Variants in GRIK2 observed in about 807,000 individuals in gnomAD.
GRIK2 encodes the protein glutamate receptor ionotropic, kainate 2.
In GRIK2, 32 loss-of-function variants were observed where a neutral mutation model predicts 100.3. That is an observed-to-expected ratio of 0.32 (90% CI 0.24 to 0.43). The LOEUF (loss-of-function observed/expected upper bound fraction) is 0.43, where lower values mean the gene tolerates loss of function less well. Among genes scored for constraint, GRIK2 ranks in the 20% least tolerant of loss-of-function variants. GRIK2 has a pLI of 1.00. For synonymous variants in GRIK2, 417 were observed against 389.4 expected, an observed-to-expected ratio of 1.07 and a Z score of -0.83; for missense variants, 843 against 1,114.9, an observed-to-expected ratio of 0.76 and a Z score of 3.47.
intron 2 of GRIK2, among the ~76,000 whole-genome samples, chr6:101,536,133 G>GT (rs991059294): frequency 2.0e-5 from 3 of 151,548 alleles, no homozygotes; most frequent in South Asian, 2.1e-4. Context: ...GGATAAAAAA[G>GT]TTTTTTTGTG....
chr6:101,542,151 G>A (rs1175225309), intron 2 of GRIK2, among the ~76,000 whole-genome samples: 1 of 151,684 alleles, frequency 6.6e-6, no homozygotes, highest in Non-Finnish European at 1.5e-5. Context: ...TTTTTCATCT[G>A]AATCCTTTAA....
intron 2 of GRIK2, among the ~76,000 whole-genome samples, chr6:101,603,592 T>C (rs1779318949): frequency 6.6e-6 from 1 of 151,796 alleles, no homozygotes; most frequent in Admixed American, 6.6e-5. Flanking sequence ...TTTTGCTTCT[T>C]ACTCTCTTTT....
chr6:101,625,033 G>A (rs1305230982), intron 3 of GRIK2, among the ~76,000 whole-genome samples: 1 of 151,988 alleles, frequency 6.6e-6, no homozygotes, highest in East Asian at 1.9e-4. Flanking sequence ...GCCTCCCGAA[G>A]TGCTGGGATT....
chr6:101,932,213 A>G (rs1790333261), intron 14 of GRIK2, among the ~76,000 whole-genome samples: 1 of 151,986 alleles, frequency 6.6e-6, no homozygotes, highest in Non-Finnish European at 1.5e-5. Context: ...CCTACCTGAA[A>G]TCTCTGACTT....
chr6:101,883,816 G>A (rs1786431583), intron 11 of GRIK2, among the ~76,000 whole-genome samples: 1 of 152,152 alleles, frequency 6.6e-6, no homozygotes, highest in Non-Finnish European at 1.5e-5. Flanking sequence ...AGACAGAGTT[G>A]TTGAAACAAC....
chr6:102,050,649 A>T (rs1274566369), intron 15 of GRIK2, among the ~76,000 whole-genome samples: 42 of 125,908 alleles, frequency 3.3e-4, no homozygotes, highest in African/African-American at 1.2e-3. Context: ...AACTCGGTCT[A>T]AAAAAAAAAA....
intron 14 of GRIK2, among the ~76,000 whole-genome samples, chr6:101,975,755 C>A (rs1427462118): frequency 6.6e-6 from 1 of 151,800 alleles, no homozygotes; most frequent in Non-Finnish European, 1.5e-5. Flanking sequence ...TATTTGTAAA[C>A]AGTTATTTTA....
At chr6:101,641,371 A>G (rs1340215397) in intron 4 of GRIK2, among the ~76,000 whole-genome samples, 1 of 151,998 alleles carries the variant, frequency 6.6e-6, no homozygotes, top group East Asian at 1.9e-4. Flanking sequence ...TTAAAGAAAG[A>G]AAATTAAGTC....
chr6:101,514,329 C>T (rs1053927447), intron 2 of GRIK2, among the ~76,000 whole-genome samples: 25 of 152,024 alleles, frequency 1.6e-4, no homozygotes, highest in African/African-American at 5.3e-4. Context: ...TTAGATAAAA[C>T]GACACGGACA....
At chr6:101,809,402 A>C (rs1191533973) in intron 9 of GRIK2, among the ~76,000 whole-genome samples, 1 of 151,886 alleles carries the variant, frequency 6.6e-6, no homozygotes, top group East Asian at 1.9e-4. Context: ...TTACTTGTTG[A>C]CTCCTGCCCT....
rs142202003 is a variant in GRIK2, at chr6:101,671,819, G to A, written c.542-4804G>A. ...GCGGAGGTTGTAGTGAGCCAAGATC[G>A]CGCAATTGCACTCCAGCCTGGGTGA... On this transcript the variant is annotated intron_variant, in intron 4 of 16. Transcript: ENST00000369134. Among the ~76,000 whole-genome samples the A allele has an allele frequency of 1.8e-4, 28 of 152,190 alleles. No homozygotes were observed. The East Asian group carries it at 3.3e-3, about 18-fold the overall frequency.
chr6:101,752,304 G>T (rs375398104), intron 7 of GRIK2, among the ~76,000 whole-genome samples: 12 of 152,098 alleles, frequency 7.9e-5, no homozygotes, highest in African/African-American at 2.9e-4. Flanking sequence ...CATTGATAGT[G>T]TCTTTTGTTG....
chr6:101,480,574 T>G (rs1285031532), intron 2 of GRIK2, among the ~76,000 whole-genome samples: 1 of 152,168 alleles, frequency 6.6e-6, no homozygotes, highest in Non-Finnish European at 1.5e-5. Flanking sequence ...TTCTATAGGT[T>G]GGTAAGGCAA....
intron 14 of GRIK2, among the ~76,000 whole-genome samples, chr6:101,949,185 G>A (rs1791460925): frequency 6.7e-6 from 1 of 149,076 alleles, no homozygotes; most frequent in South Asian, 2.1e-4. Flanking sequence ...TGTTGTTGTT[G>A]TTGTGTTTTT....
intron 9 of GRIK2, among the ~76,000 whole-genome samples, chr6:101,816,075 G>A (rs145875168): frequency 2.7e-4 from 41 of 152,092 alleles, no homozygotes; most frequent in Non-Finnish European, 4.6e-4. Flanking sequence ...ATAATGGAGG[G>A]TGGCATTATG....
chr6:101,443,903 A>G (rs559435890), intron 2 of GRIK2, among the ~76,000 whole-genome samples: 15 of 150,960 alleles, frequency 9.9e-5, no homozygotes, highest in African/African-American at 3.6e-4. Flanking sequence ...TATTTTTTTC[A>G]AGATGGGCTC....
intron 2 of GRIK2, among the ~76,000 whole-genome samples, chr6:101,459,046 T>G (rs2128251763): frequency 6.6e-6 from 1 of 152,070 alleles, no homozygotes; most frequent in East Asian, 1.9e-4. Context: ...GGGGGAAAAA[T>G]TCTCTGCTGC....
At chr6:101,517,155 A>G (rs1206550275) in intron 2 of GRIK2, among the ~76,000 whole-genome samples, 1 of 152,132 alleles carries the variant, frequency 6.6e-6, no homozygotes, top group African/African-American at 2.4e-5. Flanking sequence ...ATAATGCTAA[A>G]TGGCAGACTT....
Position 101,559,183 on chromosome 6 carries a change from C to A in GRIK2, c.116-62766C>A, listed in dbSNP as rs1434218134. 2.0e-5 allele frequency among the ~76,000 whole-genome samples: 3 copies of A among 152,166 alleles called. 1 individual carries two copies. Among genetic ancestry groups the A allele is most frequent in the African/African-American group, 7.2e-5 (3 of 41,542 alleles). On this transcript the variant is annotated intron_variant, in intron 2 of 16. Coordinates refer to ENST00000369134, the MANE Select transcript of GRIK2 (RefSeq NM_021956.5). ...AAGTATTTTAATGATTATTTCACTA[C>A]CTGCAGCCTCTTCTCCAGTTTTTTT...
Sources: gnomAD v4.1 joint callset for allele counts (sites outside exome capture counted in the v4.1 genomes callset) on GRCh38, gnomAD v4.1.1 for gene constraint, MANE v1.5 for transcripts, NCBI Gene and HGNC (gene_info 2026-07-23, HGNC 2026-07-21) for gene names.